The following ERC2 variants were observed in gnomAD, a reference collection of about 807,000 sequenced individuals.
The protein encoded by ERC2 is ELKS/RAB6-interacting/CAST family member 2.
Under a neutral mutation model 114.8 loss-of-function variants are expected in ERC2, and 42 were observed. The observed-to-expected ratio is 0.37, with a 90% confidence interval of 0.29 to 0.47. The LOEUF is 0.47. Ranked by LOEUF, ERC2 falls within the 20% of genes least tolerant of loss-of-function variation. The pLI is 0.99. For missense variants in ERC2, 939 were observed against 1,150.7 expected, an observed-to-expected ratio of 0.82 and a Z score of 2.66; for synonymous variants, 454 against 425.5, an observed-to-expected ratio of 1.07 and a Z score of -0.82.
intron 14 of ERC2, among the ~76,000 whole-genome samples, chr3:55,824,776 A>G (rs1007321800): frequency 1.3e-5 from 2 of 152,212 alleles, no homozygotes; most frequent in African/African-American, 4.8e-5. Flanking sequence ...TCAGATGCAC[A>G]TTAAACTTTA....
intron 17 of ERC2, among the ~76,000 whole-genome samples, chr3:55,631,644 A>T (rs2059763592): frequency 6.6e-6 from 1 of 152,234 alleles, no homozygotes; most frequent in South Asian, 2.1e-4. Flanking sequence ...GAGAAAATTT[A>T]GGAGGTGGGA....
At chr3:56,136,441 T>C (rs2080511504) in intron 6 of ERC2, among the ~76,000 whole-genome samples, 1 of 152,164 alleles carries the variant, frequency 6.6e-6, no homozygotes, top group Non-Finnish European at 1.5e-5. Flanking sequence ...TTTAACCTTT[T>C]ATTTTAGGTT....
At chr3:55,683,072 A>G (rs1484154105) in intron 17 of ERC2, among the ~76,000 whole-genome samples, 2 of 152,254 alleles carry the variant, frequency 1.3e-5, no homozygotes, top group African/African-American at 4.8e-5. Context: ...TTTAAAATAC[A>G]AAACCCTCTG....
chr3:55,917,544 C>G (rs1400214261), intron 13 of ERC2, among the ~76,000 whole-genome samples: 2 of 151,984 alleles, frequency 1.3e-5, no homozygotes, highest in Non-Finnish European at 2.9e-5. Flanking sequence ...ATAGGCAAAT[C>G]TATAAACTAT....
chr3:55,592,819 G>A (rs1010912968), intron 17 of ERC2, among the ~76,000 whole-genome samples: 1 of 152,182 alleles, frequency 6.6e-6, no homozygotes, highest in Non-Finnish European at 1.5e-5. Flanking sequence ...TCTGCTGAAA[G>A]TATCTCCCTT....
intron 14 of ERC2, among the ~76,000 whole-genome samples, chr3:55,799,436 C>A (rs1325642468): frequency 1.4e-5 from 1 of 72,432 alleles, no homozygotes; most frequent in Admixed American, 1.3e-4. Context: ...ATATATATGC[C>A]TTATATATAT....
intron 2 of ERC2, among the ~76,000 whole-genome samples, chr3:56,320,583 A>AT (rs571310447): frequency 4.6e-4 from 70 of 152,196 alleles, no homozygotes; most frequent in African/African-American, 1.7e-3. Flanking sequence ...AAAAAACAGG[A>AT]TTTTTTTGCC....
chr3:55,653,085 C>T (rs893341898), intron 17 of ERC2, among the ~76,000 whole-genome samples: 1 of 152,024 alleles, frequency 6.6e-6, no homozygotes, highest in Non-Finnish European at 1.5e-5. Context: ...ACACACAAGC[C>T]TCAAACTAAA....
At chr3:56,453,485 T>C (rs1340751364) in intron 1 of ERC2, among the ~76,000 whole-genome samples, 1 of 152,118 alleles carries the variant, frequency 6.6e-6, no homozygotes, top group Non-Finnish European at 1.5e-5. Flanking sequence ...ACAAACACAG[T>C]GCTAAAACCA....
At chr3:56,039,694 T>A (rs1458008517) in intron 7 of ERC2, among the ~76,000 whole-genome samples, 2 of 152,062 alleles carry the variant, frequency 1.3e-5, no homozygotes, top group African/African-American at 4.8e-5. Flanking sequence ...GCTAAAGCAA[T>A]CTTCAGCAAA....
At chr3:55,841,811 A>C (rs948836381) in intron 14 of ERC2, among the ~76,000 whole-genome samples, 13 of 152,184 alleles carry the variant, frequency 8.5e-5, no homozygotes, top group African/African-American at 2.9e-4. Context: ...ACTGAAACTC[A>C]AGGAAGGCCG....
intron 14 of ERC2, among the ~76,000 whole-genome samples, chr3:55,744,357 T>C (rs1270863686): frequency 6.6e-6 from 1 of 151,016 alleles, no homozygotes; most frequent in African/African-American, 2.4e-5. Flanking sequence ...TGAGAGGAGG[T>C]TGAGATCACA....
At chr3:56,015,277 T>C (rs886079993) in intron 8 of ERC2, among the ~76,000 whole-genome samples, 2 of 152,144 alleles carry the variant, frequency 1.3e-5, no homozygotes, top group African/African-American at 4.8e-5. Flanking sequence ...TAAACGTGTG[T>C]AATGGTGGTT....
chr3:55,916,485 G>T (rs560444192), intron 13 of ERC2, among the ~76,000 whole-genome samples: 1 of 152,158 alleles, frequency 6.6e-6, no homozygotes, highest in Non-Finnish European at 1.5e-5. Context: ...AAGTAAAAAT[G>T]CTTCTTCGTT....
chr3:56,199,863 G>A (rs1449796795), intron 3 of ERC2, among the ~76,000 whole-genome samples: 1 of 152,052 alleles, frequency 6.6e-6, no homozygotes, highest in Non-Finnish European at 1.5e-5. Context: ...AATGGATGAA[G>A]GAGAAACTGT....
intron 17 of ERC2, among the ~76,000 whole-genome samples, chr3:55,614,750 C>T (rs1187504972): frequency 6.6e-6 from 1 of 152,156 alleles, no homozygotes; most frequent in East Asian, 1.9e-4. Flanking sequence ...GTATTATCAT[C>T]CTCATTTTTT....
chr3:56,408,235 C>G (rs1258356228), intron 2 of ERC2, among the ~76,000 whole-genome samples: 1 of 152,166 alleles, frequency 6.6e-6, no homozygotes, highest in African/African-American at 2.4e-5. Context: ...TTCCTCCGTG[C>G]TGGGCTCTTC....
chr3:55,683,881 G>A (rs772246824), intron 16 of ERC2, 22 bp from the exon 17 acceptor site: 2 of 1,611,296 alleles, frequency 1.2e-6, no homozygotes, highest in Admixed American at 3.4e-5. Context: ...CCGAGGTGGG[G>A]AGGTGCACAG....
At chr3:55,950,277 A>G in intron 13 of ERC2, 148 bp downstream of exon 13, 1 of 911,142 alleles carries the variant, frequency 1.1e-6, no homozygotes, top group Non-Finnish European at 1.6e-6. Context: ...CTCCCTGGGA[A>G]AGACCTACTG....
Sources: gnomAD v4.1 joint callset for allele counts (sites outside exome capture counted in the v4.1 genomes callset) on GRCh38, gnomAD v4.1.1 for gene constraint, MANE v1.5 for transcripts, NCBI Gene and HGNC (gene_info 2026-07-23, HGNC 2026-07-21) for gene names.